MLH3: variants seen among roughly 807,000 people sequenced by gnomAD.
MLH3 encodes the protein DNA mismatch repair protein Mlh3.
A neutral mutation model predicts 122.2 loss-of-function variants in MLH3; 82 were observed. That is an observed-to-expected ratio of 0.67 (90% CI 0.56 to 0.81). The LOEUF is 0.81. Among genes scored for constraint, MLH3 ranks in the 30% least tolerant of loss-of-function variants. MLH3 has a pLI of 0.00. For synonymous variants in MLH3, 524 were observed against 599.5 expected (o/e 0.87, Z 1.84); for missense variants, 1,539 against 1,714.5 (o/e 0.90, Z 1.81).
At position 75,047,459 on chromosome 14, in the gene MLH3, A is replaced by G; in HGVS notation, c.2197T>C (p.Leu733=). The G allele has an allele frequency of 6.2e-7, 1 of 1,614,142 alleles. No homozygotes were observed. Among genetic ancestry groups the G allele is most frequent in the East Asian group, 2.2e-5 (1 of 44,876 alleles). ...VSNDSRKTDK[L]IGFSKPIVRK... is the part of the protein sequence containing the mutation. ...ACGATTGGTTTGGAGAAACCAATTA[A>G]TTTATCTGTTTTCCTACTATCATTG... is the stretch of plus-strand genomic sequence containing the variant. The change falls in exon 2 of 13, where the codon TTA becomes CTA. Residue 733 remains leucine (L), a synonymous_variant. Coordinates refer to ENST00000355774, the MANE Select transcript of MLH3 (RefSeq NM_001040108.2).
intron 2 of MLH3, among the ~76,000 whole-genome samples, chr14:75,043,453 A>T (rs915644317): frequency 6.6e-6 from 1 of 152,266 alleles, no homozygotes; most frequent in Non-Finnish European, 1.5e-5. Context: ...ATGCTGCATG[A>T]AAAAGTGAAC....
intron 1 of MLH3, among the ~76,000 whole-genome samples, chr14:75,050,097 C>A (rs1892563186): frequency 6.6e-6 from 1 of 152,120 alleles, no homozygotes; most frequent in South Asian, 2.1e-4. Flanking sequence ...CAAAAATGTC[C>A]AAGCTAGTTT....
At chr14:75,043,296 A>G (rs1891997518) in intron 2 of MLH3, among the ~76,000 whole-genome samples, 1 of 152,202 alleles carries the variant, frequency 6.6e-6, no homozygotes. Flanking sequence ...TCTTATCTCC[A>G]ATGTATGTCT....
At chr14:75,041,935 G>A (rs41555816) in intron 3 of MLH3, among the ~76,000 whole-genome samples, 2,891 of 152,334 alleles carry the variant, frequency 0.019, 93 homozygotes, top group African/African-American at 0.067. Context: ...ACTGTTAAAA[G>A]AGATATTGTG....
At position 75,015,740 on chromosome 14, in the gene MLH3, AG is replaced by A. The variant is rs5809689; in HGVS notation, c.*1341del. 0.42 allele frequency: 92,574 copies of A among 222,484 alleles called. 20,075 individuals carry two copies. The highest frequency in any genetic ancestry group is 0.49 in the Middle Eastern group (355 of 724). The allele number at this position is 222,484 out of a possible 1,614,324, so 13.8% of individuals were successfully genotyped here. On this transcript the variant is annotated 3_prime_UTR_variant, in exon 13 of 13. Coordinates refer to ENST00000355774, the MANE Select transcript of MLH3 (RefSeq NM_001040108.2). Reference sequence around the variant, plus strand: ...CAAGGATCCCCTTGAAAACAAGTGAAGGTTTTCTCTGAACCTTCTCTGGGGC... The same window carrying A: ...CAAGGATCCCCTTGAAAACAAGTGAAGTTTTCTCTGAACCTTCTCTGGGGC...
chr14:75,035,848 T>TA (rs879314231), intron 6 of MLH3, among the ~76,000 whole-genome samples: 58 of 146,336 alleles, frequency 4.0e-4, no homozygotes, highest in African/African-American at 4.2e-4. Flanking sequence ...TTTCTCCCAT[T>TA]AAAAAAAAAA....
Position 75,015,184 on chromosome 14 carries a change from G to A in MLH3, c.*1898C>T, listed in dbSNP as rs1382545205. ...AAAACAACATAAAACCCTAACAGGC[G>A]ATAAAGGTAATCTATTAGATATTTT... is the stretch of plus-strand genomic sequence containing the variant. On this transcript the variant is annotated 3_prime_UTR_variant, in exon 13 of 13. Coordinates refer to ENST00000355774, the MANE Select transcript of MLH3 (RefSeq NM_001040108.2). 1.7e-5 allele frequency: 3 copies of A among 175,808 alleles called. No homozygotes were observed. The highest frequency in any genetic ancestry group is 6.3e-5 in the Admixed American group (1 of 15,768). 10.9% of individuals were successfully genotyped at this position (175,808 alleles called of 1,614,324 possible).
At chr14:75,031,417 C>A (rs935626147) in intron 8 of MLH3, among the ~76,000 whole-genome samples, 53 of 152,128 alleles carry the variant, frequency 3.5e-4, no homozygotes, top group African/African-American at 1.2e-3. Flanking sequence ...CAAAGCATGG[C>A]ATAAACACAG....
intron 2 of MLH3, among the ~76,000 whole-genome samples, chr14:75,042,965 A>G (rs1276875837): frequency 6.6e-6 from 1 of 152,084 alleles, no homozygotes; most frequent in Non-Finnish European, 1.5e-5. Flanking sequence ...TTTAGTAGAC[A>G]TGGGGTTTCA....
intron 4 of MLH3, among the ~76,000 whole-genome samples, 161 bp from the exon 5 acceptor site, chr14:75,040,176 G>A (rs967316191): frequency 1.1e-4 from 17 of 151,752 alleles, no homozygotes; most frequent in African/African-American, 2.9e-4. Context: ...TCGGCCGGGC[G>A]TGGTGGCTCA....
intron 2 of MLH3, among the ~76,000 whole-genome samples, chr14:75,043,366 A>G (rs1892002472): frequency 6.6e-6 from 1 of 152,230 alleles, no homozygotes; most frequent in Non-Finnish European, 1.5e-5. Flanking sequence ...CTTCCCTAAT[A>G]GTACTGTGAA....
In MLH3 at chr14:75,047,007, G is replaced by A. The variant is rs2139558741; in HGVS notation, c.2649C>T (p.Ser883=). 5 of 1,614,094 alleles carry A rather than the reference G, an allele frequency of 3.1e-6. No individual in the cohort carries two copies. Among genetic ancestry groups the A allele is most frequent in the Non-Finnish European group, 4.2e-6 (5 of 1,180,030 alleles). The change falls in exon 2 of 13, where the codon TCC becomes TCT. Residue 883 remains serine (S), a synonymous_variant. Transcript: ENST00000355774. ...TCCCCATTGTTTGAGTTTCTCTTTC[G>A]GAACCCTTCAGTCTGGATAATTTAG... ...LASKLSRLKG[S]ERETQTMGMM...
At position 75,016,708 on chromosome 14, in the gene MLH3, C is replaced by T. The variant is rs542283516; in HGVS notation, c.*374G>A. The T allele has an allele frequency of 8.9e-5, 30 of 337,430 alleles. No individual in the cohort carries two copies. The highest frequency in any genetic ancestry group is 2.2e-4 in the Admixed American group (5 of 22,388). 20.9% of individuals were successfully genotyped at this position (337,430 alleles called of 1,614,324 possible). A position where few individuals can be genotyped will look rare whatever the true frequency, so the allele number is the denominator to read the frequency against. ...TTGAGCATCAGCTGAATTAGATACACGCAAATGTGAAGCTTGAAAAAAAAC... is the reference window on the plus strand; with the variant it reads ...TTGAGCATCAGCTGAATTAGATACATGCAAATGTGAAGCTTGAAAAAAAAC... On this transcript the variant is annotated 3_prime_UTR_variant, in exon 13 of 13. Coordinates refer to ENST00000355774, the MANE Select transcript of MLH3 (RefSeq NM_001040108.2).
In MLH3 at chr14:75,030,657, A is replaced by T. The variant is rs2139386592; in HGVS notation, c.3873T>A (p.Phe1291Leu). 2.5e-6 allele frequency: 4 copies of T among 1,613,952 alleles called. No homozygotes were observed. Among genetic ancestry groups the T allele is most frequent in the Non-Finnish European group, 3.4e-6 (4 of 1,179,870 alleles). Residue 1291 changes from phenylalanine to leucine, a missense_variant, in exon 9 of 13, where the codon TTT becomes TTA. Physicochemically the swap from Phe to Leu is conservative, Grantham distance 22. Coordinates refer to ENST00000355774, the MANE Select transcript of MLH3 (RefSeq NM_001040108.2). The stretch of plus-strand genomic sequence containing the variant: ...GGACCAGAGAATCACTAGTGTCTGG[A>T]AATACAAATTCAAGGCCCAGATCTT... ...NLEDLGLEFV[F>L]PDTSDSLVLV...
At position 75,039,939 on chromosome 14, in the gene MLH3, A is replaced by T; in HGVS notation, c.3542T>A (p.Phe1181Tyr). 6.3e-7 allele frequency: 1 copy of T among 1,578,554 alleles called. No individual in the cohort carries two copies. The highest frequency in any genetic ancestry group is 8.6e-7 in the Non-Finnish European group (1 of 1,156,914). Residue 1181 changes from phenylalanine to tyrosine, a missense_variant, in exon 5 of 13, where the codon TTC becomes TAC. Physicochemically the swap from Phe to Tyr is conservative, Grantham distance 22. Transcript: ENST00000355774. The stretch of plus-strand genomic sequence containing the variant: ...CATTGAATGAATCATTCCTTTGGTG[A>T]AACGATAGGGATACAAGATGTTGTG... ...KIHNILYPYRFTKGMIHSMQV... is the reference protein window; with the variant it reads ...KIHNILYPYRYTKGMIHSMQV...
At chr14:75,030,480 A>G (rs1320402052) in intron 9 of MLH3, 63 bp downstream of exon 9, 4 of 1,485,294 alleles carry the variant, frequency 2.7e-6, no homozygotes, top group Non-Finnish European at 3.8e-6. Flanking sequence ...CAGAGAATCT[A>G]CAGACAAAAT....
intron 6 of MLH3, 129 bp downstream of exon 6, chr14:75,038,205 ATATTCT>A (rs1307491756): frequency 1.4e-6 from 1 of 720,490 alleles, no homozygotes; most frequent in African/African-American, 1.8e-5. Context: ...AGCCTTCATA[ATATTCT>A]TAGTTTTAGA....
In MLH3 at chr14:75,048,945, G is replaced by C. The variant is rs758878329; in HGVS notation, c.711C>G (p.Gly237=). The change falls in exon 2 of 13, where the codon GGC becomes GGG. Residue 237 remains glycine, a synonymous_variant. Coordinates refer to ENST00000355774, the MANE Select transcript of MLH3 (RefSeq NM_001040108.2). ...SFKYKEFELS[G]YISSEAHYNK... ...TGTAATGTGCTTCAGAGCTGATATA[G>C]CCACTAAGCTCAAACTCTTTATATT... 1 of 1,613,180 alleles carries C rather than the reference G, an allele frequency of 6.2e-7. No individual in the cohort carries two copies.
chr14:75,023,077 T>C (rs1270063487), intron 9 of MLH3, 59 bp from the exon 10 acceptor site: 56 of 1,586,196 alleles, frequency 3.5e-5, no homozygotes, highest in Non-Finnish European at 4.9e-5. Context: ...TGCCCTTTGA[T>C]AGTTTACAAA....
Sources: allele counts gnomAD v4.1 joint callset (sites outside exome capture counted in the v4.1 genomes callset), GRCh38; gene constraint gnomAD v4.1.1; transcripts MANE v1.5; gene names NCBI Gene and HGNC (gene_info 2026-07-23, HGNC 2026-07-21).